The following DPP10 variants were observed in gnomAD, a reference collection of about 807,000 sequenced individuals.
DPP10 encodes the protein dipeptidyl peptidase like 10.
DPP10 carries 33 observed loss-of-function variants against 120.9 expected under a neutral mutation model. The observed-to-expected ratio is 0.27, with a 90% CI of 0.21 to 0.37. The LOEUF is 0.37. DPP10 is among the 10% of genes least tolerant of loss of function. DPP10 has a pLI of 1.00. For synonymous variants in DPP10, 337 were observed against 326.1 expected (o/e 1.03, Z -0.36); for missense variants, 816 against 942.8 (o/e 0.87, Z 1.76).
intron 1 of DPP10, among the ~76,000 whole-genome samples, chr2:114,874,637 T>C (rs561120220): frequency 1.2e-4 from 19 of 152,114 alleles, no homozygotes; most frequent in Non-Finnish European, 2.2e-4. Flanking sequence ...GTAATAATAA[T>C]AGTATAAAGT....
intron 1 of DPP10, among the ~76,000 whole-genome samples, chr2:115,248,705 A>G (rs2058636791): frequency 1.3e-5 from 2 of 152,150 alleles, no homozygotes; most frequent in African/African-American, 4.8e-5. Context: ...ACTTTCATTA[A>G]TATCTAAAAA....
intron 1 of DPP10, among the ~76,000 whole-genome samples, chr2:114,867,528 A>G (rs1462216392): frequency 1.3e-5 from 2 of 152,184 alleles, no homozygotes; most frequent in Non-Finnish European, 2.9e-5. Context: ...TTTCCTTATA[A>G]GTTAAAATCT....
intron 5 of DPP10, among the ~76,000 whole-genome samples, chr2:115,583,099 C>T (rs1050410344): frequency 3.9e-5 from 6 of 152,184 alleles, no homozygotes; most frequent in African/African-American, 1.4e-4. Context: ...AAATAGTGCA[C>T]TGAATATTTG....
At chr2:115,563,503 G>A (rs1362997801) in intron 5 of DPP10, among the ~76,000 whole-genome samples, 1 of 152,168 alleles carries the variant, frequency 6.6e-6, no homozygotes, top group Non-Finnish European at 1.5e-5. Context: ...CTACAGCTGT[G>A]AACAGTGATG....
chr2:114,903,696 G>C (rs114620944), intron 1 of DPP10, among the ~76,000 whole-genome samples: 1 of 152,194 alleles, frequency 6.6e-6, no homozygotes, highest in East Asian at 1.9e-4. Context: ...CATTGTGACT[G>C]TATTTGGAGA....
intron 1 of DPP10, among the ~76,000 whole-genome samples, chr2:114,769,563 T>A (rs1299367260): frequency 6.6e-6 from 1 of 152,212 alleles, no homozygotes; most frequent in African/African-American, 2.4e-5. Context: ...TTTGATGCTT[T>A]TGCCAAGTAT....
chr2:114,960,896 T>C (rs2104714055), intron 1 of DPP10, among the ~76,000 whole-genome samples: 1 of 152,240 alleles, frequency 6.6e-6, no homozygotes, highest in African/African-American at 2.4e-5. Context: ...AGCTTAAATA[T>C]AACAATGGTT....
At chr2:115,733,124 G>T (rs547890253) in intron 8 of DPP10, among the ~76,000 whole-genome samples, 19 of 152,086 alleles carry the variant, frequency 1.2e-4, no homozygotes, top group Non-Finnish European at 2.4e-4. Context: ...AAAAGGTGCG[G>T]AAAAATTCAC....
chr2:115,676,284 T>A (rs2090252253), intron 5 of DPP10, among the ~76,000 whole-genome samples: 1 of 152,158 alleles, frequency 6.6e-6, no homozygotes, highest in African/African-American at 2.4e-5. Flanking sequence ...GATTACCAAA[T>A]AATTTTTATA....
intron 3 of DPP10, among the ~76,000 whole-genome samples, chr2:115,374,234 G>C (rs564419065): frequency 6.6e-6 from 1 of 152,062 alleles, no homozygotes; most frequent in Non-Finnish European, 1.5e-5. Flanking sequence ...TTCCACCTAG[G>C]AGTTACTTCT....
chr2:114,521,792 C>T (rs1216850135), intron 1 of DPP10, among the ~76,000 whole-genome samples: 1 of 147,040 alleles, frequency 6.8e-6, no homozygotes, highest in Non-Finnish European at 1.5e-5. Flanking sequence ...ATTATAGATA[C>T]TATTATCCAA....
intron 1 of DPP10, among the ~76,000 whole-genome samples, chr2:115,262,182 A>G (rs559275723): frequency 2.0e-5 from 3 of 152,116 alleles, no homozygotes; most frequent in African/African-American, 7.2e-5. Flanking sequence ...TATTAATTCA[A>G]CGTATTCATT....
At chr2:115,086,474 T>TAA (rs1708710626) in intron 1 of DPP10, among the ~76,000 whole-genome samples, 1 of 142,072 alleles carries the variant, frequency 7.0e-6, no homozygotes. Flanking sequence ...TTTTTTTTTG[T>TAA]GACGGAGTCT....
At chr2:115,238,836 T>C (rs1574120060) in intron 1 of DPP10, among the ~76,000 whole-genome samples, 1 of 152,112 alleles carries the variant, frequency 6.6e-6, no homozygotes, top group African/African-American at 2.4e-5. Context: ...GAGATATATA[T>C]GTATATATAA....
intron 1 of DPP10, among the ~76,000 whole-genome samples, chr2:114,959,149 C>A (rs1192456087): frequency 6.6e-6 from 1 of 152,160 alleles, no homozygotes; most frequent in Non-Finnish European, 1.5e-5. Flanking sequence ...ACCTCCACCT[C>A]CCGGTTCAAG....
chr2:115,289,506 GAAGAA>G (rs57788865), intron 1 of DPP10, among the ~76,000 whole-genome samples: 1 of 114,398 alleles, frequency 8.7e-6, no homozygotes, highest in East Asian at 2.6e-4. Context: ...AAAAAAAAAG[GAAGAA>G]AAGAAAAGAA....
chr2:115,818,242 T>A (rs1442845631), intron 21 of DPP10, among the ~76,000 whole-genome samples: 1 of 152,218 alleles, frequency 6.6e-6, no homozygotes, highest in African/African-American at 2.4e-5. Flanking sequence ...GAAATCTGTT[T>A]CACAGAAACA....
intron 5 of DPP10, among the ~76,000 whole-genome samples, chr2:115,532,547 A>T (rs891527796): frequency 6.6e-6 from 1 of 151,994 alleles, no homozygotes; most frequent in African/African-American, 2.4e-5. Flanking sequence ...ACAATATATG[A>T]TTTTCAATAC....
chr2:114,454,237 A>G (rs1409720143), intron 1 of DPP10, among the ~76,000 whole-genome samples: 1 of 152,170 alleles, frequency 6.6e-6, no homozygotes, highest in Non-Finnish European at 1.5e-5. Context: ...GGAGGGTACC[A>G]CCACTACCAT....
Sources: allele counts gnomAD v4.1 joint callset (sites outside exome capture counted in the v4.1 genomes callset), GRCh38; gene constraint gnomAD v4.1.1; transcripts MANE v1.5; gene names NCBI Gene and HGNC (gene_info 2026-07-23, HGNC 2026-07-21).